The following FHDC1 variants were observed in gnomAD, a reference collection of about 807,000 sequenced individuals.
FHDC1 encodes FH2 domain containing 1, also known as FH2 domain-containing protein 1.
Under a neutral mutation model 52.6 loss-of-function variants are expected in FHDC1, and 25 were observed. The observed-to-expected ratio is 0.48, with a 90% CI of 0.35 to 0.66. The LOEUF (loss-of-function observed/expected upper bound fraction) is 0.66. Ranked by LOEUF, FHDC1 falls within the 30% of genes least tolerant of loss-of-function variation. FHDC1 has a pLI of 0.01. For synonymous variants in FHDC1, 616 were observed against 581.5 expected (o/e 1.06, Z -0.85); for missense variants, 1,459 against 1,452.8 (o/e 1.00, Z -0.07).
chr4:152,936,217 C>T (rs1739366836), upstream of FHDC1: 2 of 152,208 alleles, frequency 1.3e-5, no homozygotes, highest in Admixed American at 1.3e-4. Flanking sequence ...GGCGCGCTGC[C>T]CTTCCCGGCC....
the FHDC1 span, among the ~76,000 whole-genome samples, chr4:152,924,652 C>G: frequency 1.6e-4 from 25 of 152,128 alleles, no homozygotes; most frequent in African/African-American, 5.8e-4. Flanking sequence ...AAATGTGGCA[C>G]ATATACACCA....
upstream of FHDC1, among the ~76,000 whole-genome samples, chr4:152,934,318 GT>G (rs1739307392): frequency 6.6e-6 from 1 of 152,204 alleles, no homozygotes; most frequent in Non-Finnish European, 1.5e-5. Context: ...GGGGGAGGTG[GT>G]GGGTGTGGGA....
intron 11 of FHDC1, among the ~76,000 whole-genome samples, chr4:152,973,346 C>T (rs774875625): frequency 6.6e-6 from 1 of 152,234 alleles, no homozygotes; most frequent in Non-Finnish European, 1.5e-5. Flanking sequence ...AGATTTCTCT[C>T]AAGCCCAGAA....
chr4:152,975,960 C>G lies in FHDC1; in HGVS notation c.2669C>G (p.Ser890Cys). The change falls in exon 12 of 12, where the codon TCT (serine) becomes TGT (cysteine). Residue 890 changes from serine (S) to cysteine (C), a missense_variant. Physicochemically the swap from Ser to Cys is moderately radical, Grantham distance 112 (BLOSUM62 -1). This residue lies in a region of FHDC1 where 939 missense variants were observed against 854.5 expected (regional missense o/e 1.10). Coordinates refer to ENST00000511601, the MANE Select transcript of FHDC1 (RefSeq NM_001371116.1). The stretch of plus-strand genomic sequence containing the variant: ...CGGAGCCAGGGGGCAGTGGCCAAGT[C>G]TGTGCGGACCCTGACCGCCTCAGAG... ...ARRSQGAVAK[S>C]VRTLTASENE... 6.6e-7 allele frequency: 1 copy of G among 1,518,648 alleles called. No individual in the cohort carries two copies. Among genetic ancestry groups the G allele is most frequent in the South Asian group, 1.3e-5 (1 of 74,822 alleles). 94.1% of individuals were successfully genotyped at this position (1,518,648 alleles called of 1,614,324 possible). A position where few individuals can be genotyped will look rare whatever the true frequency, so the allele number is the denominator to read the frequency against.
chr4:152,929,726 T>C, the FHDC1 span, among the ~76,000 whole-genome samples: 1 of 152,192 alleles, frequency 6.6e-6, no homozygotes, highest in Non-Finnish European at 1.5e-5. The surrounding 1 kb of genome is among the most constrained non-coding windows in gnomAD (Gnocchi z 4.1). Flanking sequence ...CTGATTATGC[T>C]CTGCAGGCAA....
At chr4:152,941,226 T>C (rs1182827531) in intron 1 of FHDC1, among the ~76,000 whole-genome samples, 1 of 152,210 alleles carries the variant, frequency 6.6e-6, no homozygotes, top group Admixed American at 6.5e-5. Context: ...GACAATTTAA[T>C]AGATGATCAC....
At position 152,978,439 on chromosome 4, in the gene FHDC1, A is replaced by G. The variant is rs1051448346; in HGVS notation, c.*1716A>G. 1 of 152,226 alleles carries G rather than the reference A, an allele frequency of 6.6e-6. No individual in the cohort carries two copies. The allele number at this position is 152,226 out of a possible 1,614,324, so 9.4% of individuals were successfully genotyped here. ...TTTAAATACTGAGAAGAACCAAGTC[A>G]GGTTTTTTAAAGCAGACTAAAAGCA... On this transcript the variant is annotated 3_prime_UTR_variant, in exon 12 of 12. Coordinates refer to ENST00000511601, the MANE Select transcript of FHDC1 (RefSeq NM_001371116.1).
At chr4:152,967,747 C>A (rs1314436851) in intron 9 of FHDC1, among the ~76,000 whole-genome samples, 1 of 152,200 alleles carries the variant, frequency 6.6e-6, no homozygotes, top group African/African-American at 2.4e-5. Context: ...ATCTTACCAT[C>A]AAGAGTACAG....
At chr4:152,937,185 G>A (rs1392157144) in intron 1 of FHDC1, among the ~76,000 whole-genome samples, 1 of 152,134 alleles carries the variant, frequency 6.6e-6, no homozygotes, top group Non-Finnish European at 1.5e-5. Context: ...CTCCCTTTTG[G>A]CAGAGCCGCA....
At chr4:152,935,494 C>A (rs1739335817), upstream of FHDC1, among the ~76,000 whole-genome samples, 1 of 152,140 alleles carries the variant, frequency 6.6e-6, no homozygotes, top group Non-Finnish European at 1.5e-5. Flanking sequence ...TCCCCTGTTT[C>A]TTTCTGTGAG....
rs557397009 is a variant in FHDC1, at chr4:152,970,895, A to ACAG, written c.1219-1478_1219-1476dup. On this transcript the variant is annotated intron_variant, in intron 10 of 11. Coordinates refer to ENST00000511601, the MANE Select transcript of FHDC1 (RefSeq NM_001371116.1). ...TCTGTAGCTCTCCACACAGGTTCAA[A>ACAG]CAGCAGTTCTACCCCTCCAAAGTGG... 2.6e-5 allele frequency among the ~76,000 whole-genome samples: 4 copies of ACAG among 152,288 alleles called. No homozygotes were observed. In the South Asian group the frequency reaches 8.3e-4, roughly 32 times the overall value.
the FHDC1 span, among the ~76,000 whole-genome samples, chr4:152,916,561 T>G: frequency 8.0e-6 from 1 of 125,058 alleles, no homozygotes; most frequent in African/African-American, 2.6e-5. Flanking sequence ...TTAAAAATGT[T>G]TTTCATAATA....
In FHDC1 at chr4:152,976,320, C is replaced by T. The variant is rs959398065; in HGVS notation, c.3029C>T (p.Pro1010Leu). 6.2e-7 allele frequency: 1 copy of T among 1,613,676 alleles called. No individual in the cohort carries two copies. Among genetic ancestry groups the T allele is most frequent in the Non-Finnish European group, 8.5e-7 (1 of 1,180,008 alleles). The part of the protein sequence containing the change: ...NKTCRAHSEG[P>L]ESPKEEPKTP... ...ACCTGCCGCGCCCACTCCGAGGGCC[C>T]TGAGAGTCCCAAAGAAGAGCCCAAG... The change falls in exon 12 of 12, where the codon CCT becomes CTT. Residue 1010 changes from proline to leucine, a missense_variant. Coordinates refer to ENST00000511601, the MANE Select transcript of FHDC1 (RefSeq NM_001371116.1).
the FHDC1 span, chr4:152,927,766 A>G: frequency 5.1e-6 from 7 of 1,377,472 alleles, no homozygotes; most frequent in Admixed American, 3.4e-5. Flanking sequence ...AAAGAGAAGA[A>G]GAACTGAAAG....
At chr4:152,930,840 C>G in the FHDC1 span, among the ~76,000 whole-genome samples, 81 of 152,204 alleles carry the variant, frequency 5.3e-4, no homozygotes, top group African/African-American at 1.9e-3. Flanking sequence ...AGCACACACT[C>G]GATTTCCAAG....
the FHDC1 span, among the ~76,000 whole-genome samples, chr4:152,916,188 A>G: frequency 6.6e-6 from 1 of 152,234 alleles, no homozygotes; most frequent in Non-Finnish European, 1.5e-5. Context: ...ATTTGAGATC[A>G]TAATTCAAAA....
upstream of FHDC1, among the ~76,000 whole-genome samples, chr4:152,935,868 T>C (rs1485902939): frequency 6.6e-6 from 1 of 152,080 alleles, no homozygotes; most frequent in African/African-American, 2.4e-5. Context: ...TATAAGAGTG[T>C]GTGCGCGCCC....
At chr4:152,918,247 A>G in the FHDC1 span, among the ~76,000 whole-genome samples, 1 of 152,204 alleles carries the variant, frequency 6.6e-6, no homozygotes, top group Non-Finnish European at 1.5e-5. Flanking sequence ...AGTGACCTCA[A>G]CACTGACCTT....
the FHDC1 span, among the ~76,000 whole-genome samples, chr4:152,931,291 T>G: frequency 6.6e-6 from 1 of 152,126 alleles, no homozygotes; most frequent in Non-Finnish European, 1.5e-5. Context: ...CCTCAAGGTT[T>G]GAATGTTATA....
Sources: allele counts gnomAD v4.1 joint callset (sites outside exome capture counted in the v4.1 genomes callset), GRCh38; gene constraint gnomAD v4.1.1; regional missense constraint gnomAD v4.1.1; non-coding constraint Gnocchi (gnomAD v3.1); transcripts MANE v1.5; gene names NCBI Gene and HGNC (gene_info 2026-07-23, HGNC 2026-07-21).